The following SPRY3 variants were observed in gnomAD, a reference collection of about 807,000 sequenced individuals.
The protein encoded by SPRY3 is protein sprouty homolog 3.
SPRY3 carries 15 observed loss-of-function variants against 20.2 expected under a neutral mutation model. The observed-to-expected ratio is 0.74, with a 90% CI of 0.50 to 1.14. The LOEUF is 1.14. Ranked by LOEUF, SPRY3 falls within the 50% of genes most tolerant of loss-of-function variation. The probability of loss-of-function intolerance (pLI) is 0.00; values close to 1 mark genes in which losing one functional copy is unlikely to be tolerated. For synonymous variants in SPRY3, 143 were observed against 136.5 expected (o/e 1.05, Z -0.33); for missense variants, 364 against 363.9 (o/e 1.00, Z 0.00).
At chrX:155,714,321 C>A (rs306940) in intron 2 of SPRY3, among the ~76,000 whole-genome samples, 38,079 of 152,090 alleles carry the variant, frequency 0.25, 4,994 homozygotes, top group African/African-American at 0.4. Flanking sequence ...CTTCAAAATA[C>A]GGGCTTGTTT....
downstream of SPRY3, chrX:155,778,034 T>C (rs1313484989): frequency 6.0e-6 from 1 of 167,030 alleles, no homozygotes; most frequent in Non-Finnish European, 1.5e-5. Context: ...CTCACAATTC[T>C]ACAACATAGG....
At chrX:155,755,477 A>G (rs1387253440) in intron 2 of SPRY3, among the ~76,000 whole-genome samples, 1 of 151,962 alleles carries the variant, frequency 6.6e-6, no homozygotes, top group Non-Finnish European at 1.5e-5. Context: ...CATTTATGCT[A>G]TATATTTGCT....
chrX:155,622,816 G>T (rs782586442), intron 1 of SPRY3, among the ~76,000 whole-genome samples: 18 of 112,038 alleles, frequency 1.6e-4, no homozygotes, highest in African/African-American at 5.8e-4. Context: ...TGGAAGCAAA[G>T]ACCCAAGTGG....
chrX:155,706,051 G>A (rs1174622691), intron 2 of SPRY3, among the ~76,000 whole-genome samples: 1 of 151,182 alleles, frequency 6.6e-6, no homozygotes, highest in East Asian at 1.9e-4. Context: ...CCCAACAAAA[G>A]CAGAATACAA....
chrX:155,723,559 C>CT (rs1216354239), intron 2 of SPRY3, among the ~76,000 whole-genome samples: 1 of 152,120 alleles, frequency 6.6e-6, no homozygotes, highest in Non-Finnish European at 1.5e-5. Flanking sequence ...TTTCATGTGT[C>CT]TGTTGGCTGC....
chrX:155,724,585 T>C (rs1320558709), intron 2 of SPRY3, among the ~76,000 whole-genome samples: 1 of 152,218 alleles, frequency 6.6e-6, no homozygotes, highest in African/African-American at 2.4e-5. Flanking sequence ...GGGAGTTCCC[T>C]CATGATTTGG....
At chrX:155,767,261 C>CA (rs1311309072) in intron 2 of SPRY3, among the ~76,000 whole-genome samples, 1 of 151,612 alleles carries the variant, frequency 6.6e-6, no homozygotes, top group Non-Finnish European at 1.5e-5. Context: ...TAACGAGGAG[C>CA]AATAAATCCC....
At chrX:155,679,249 A>G (rs2068066588) in intron 2 of SPRY3, among the ~76,000 whole-genome samples, 1 of 111,959 alleles carries the variant, frequency 8.9e-6, no homozygotes, top group Non-Finnish European at 1.9e-5. Flanking sequence ...ACAAATTTTA[A>G]AAAAAGAATA....
At chrX:155,756,456 C>A (rs974716248) in intron 2 of SPRY3, among the ~76,000 whole-genome samples, 1 of 152,224 alleles carries the variant, frequency 6.6e-6, no homozygotes, top group South Asian at 2.1e-4. Context: ...ACTGTAGACA[C>A]AGGGACCTAG....
At chrX:155,718,811 C>T (rs1482851447) in intron 2 of SPRY3, among the ~76,000 whole-genome samples, 10 of 152,034 alleles carry the variant, frequency 6.6e-5, no homozygotes, top group Non-Finnish European at 1.2e-4. Context: ...TGAAGCCAAA[C>T]GCAAAATCTG....
chrX:155,710,782 A>C (rs1171014268), intron 2 of SPRY3, among the ~76,000 whole-genome samples: 2 of 151,792 alleles, frequency 1.3e-5, no homozygotes, highest in East Asian at 3.9e-4. Flanking sequence ...ATTCACTATA[A>C]TACTAGCTGT....
At chrX:155,711,906 T>C (rs2090989770) in intron 2 of SPRY3, among the ~76,000 whole-genome samples, 1 of 151,590 alleles carries the variant, frequency 6.6e-6, no homozygotes, top group Non-Finnish European at 1.5e-5. Context: ...TGTGTTTCCA[T>C]TATCATTTCT....
intron 1 of SPRY3, among the ~76,000 whole-genome samples, chrX:155,630,031 A>G (rs1310927227): frequency 1.8e-5 from 2 of 112,067 alleles, no homozygotes; most frequent in East Asian, 2.8e-4. Context: ...AAAACATCAT[A>G]TAGTTATAAC....
At chrX:155,772,352 G>A (rs774016596) in intron 3 of SPRY3, among the ~76,000 whole-genome samples, 5 of 152,094 alleles carry the variant, frequency 3.3e-5, no homozygotes, top group African/African-American at 9.6e-5. Context: ...ATTGAGCTTT[G>A]GGCCCATTTC....
At chrX:155,619,528 T>TA (rs1292958292) in intron 1 of SPRY3, among the ~76,000 whole-genome samples, 91 of 110,292 alleles carry the variant, frequency 8.3e-4, no homozygotes, top group African/African-American at 2.9e-3. Flanking sequence ...CCTCATACCA[T>TA]AAAAAAAACT....
At chrX:155,648,092 T>G (rs2124542241) in intron 1 of SPRY3, among the ~76,000 whole-genome samples, 1 of 112,653 alleles carries the variant, frequency 8.9e-6, no homozygotes, top group African/African-American at 3.2e-5. Context: ...GTTAGCCTCA[T>G]AAATGTCTTC....
intron 2 of SPRY3, among the ~76,000 whole-genome samples, chrX:155,691,511 A>G (rs1384808061): frequency 2.3e-5 from 2 of 88,484 alleles, no homozygotes; most frequent in African/African-American, 1.1e-4. Flanking sequence ...CTGTTTAGAA[A>G]TAATTCCAAG....
At chrX:155,751,529 T>C (rs2124582786) in intron 2 of SPRY3, among the ~76,000 whole-genome samples, 1 of 152,040 alleles carries the variant, frequency 6.6e-6, no homozygotes, top group African/African-American at 2.4e-5. Flanking sequence ...TGGTAGAACA[T>C]AAGTCATATT....
intron 1 of SPRY3, among the ~76,000 whole-genome samples, chrX:155,631,938 CTT>C (rs2067907710): frequency 9.0e-6 from 1 of 111,212 alleles, no homozygotes; most frequent in African/African-American, 3.3e-5. Context: ...CAACTACACT[CTT>C]TTACTTATTT....
Sources: allele counts gnomAD v4.1 joint callset (sites outside exome capture counted in the v4.1 genomes callset), GRCh38; gene constraint gnomAD v4.1.1; transcripts MANE v1.5; gene names NCBI Gene and HGNC (gene_info 2026-07-23, HGNC 2026-07-21).